CNTNAP3B: variants seen among roughly 807,000 people sequenced by gnomAD.
CNTNAP3B encodes the protein contactin associated protein family member 3B, also known as contactin-associated protein-like 3B.
A neutral mutation model predicts 108.9 loss-of-function variants in CNTNAP3B; 25 were observed. That is an observed-to-expected ratio of 0.23 (90% CI 0.17 to 0.32). The LOEUF (loss-of-function observed/expected upper bound fraction) is 0.32. Ranked by LOEUF, CNTNAP3B falls within the 10% of genes least tolerant of loss-of-function variation. The probability of loss-of-function intolerance (pLI) is 1.00; values close to 1 mark genes in which losing one functional copy is unlikely to be tolerated. For missense variants in CNTNAP3B, 252 were observed against 1,210.4 expected, an observed-to-expected ratio of 0.21 and a Z score of 11.75; for synonymous variants, 103 against 473.4, an observed-to-expected ratio of 0.22 and a Z score of 10.16.
At chr9:41,959,408 T>C (rs1255199281) in intron 12 of CNTNAP3B, among the ~76,000 whole-genome samples, 9 of 152,262 alleles carry the variant, frequency 5.9e-5, no homozygotes, top group Admixed American at 4.6e-4. Context: ...GAGACCAGAG[T>C]TTAGTGATTC....
Position 42,077,060 on chromosome 9 carries a change from C to T in CNTNAP3B, c.199G>A (p.Ala67Thr). The T allele has an allele frequency of 1.3e-6, 2 of 1,537,934 alleles. No homozygotes were observed. Among genetic ancestry groups the T allele is most frequent in the South Asian group, 2.3e-5 (2 of 85,804 alleles). Residue 67 changes from alanine (A) to threonine (T), a missense_variant and splice_region_variant, in exon 3 of 24, where the codon GCT (alanine) becomes ACT (threonine). Physicochemically the swap from Ala to Thr is moderately conservative, Grantham distance 58. Coordinates refer to ENST00000377561, the MANE Select transcript of CNTNAP3B (RefSeq NM_001201380.3). ...GFSRLNRRDG[A>T]GGWTPLVSNK... ...GACACAAGTGGGGTCCAGCCACCAG[C>T]TCCTTTTTTGAAACAGAAAAAGTAT... is the stretch of plus-strand genomic sequence containing the variant.
At chr9:42,049,404 C>T (rs1313759318) in intron 3 of CNTNAP3B, among the ~76,000 whole-genome samples, 2 of 135,466 alleles carry the variant, frequency 1.5e-5, no homozygotes, top group African/African-American at 6.0e-5. Context: ...TTTCCAGACT[C>T]TTTTGCCAAT....
intron 3 of CNTNAP3B, among the ~76,000 whole-genome samples, chr9:42,051,573 T>G (rs1242319656): frequency 8.4e-6 from 1 of 119,712 alleles, no homozygotes; most frequent in African/African-American, 3.3e-5. Context: ...TAGAGATGTT[T>G]TAACTGTGAC....
chr9:42,052,080 TA>T (rs1383990024), intron 3 of CNTNAP3B, among the ~76,000 whole-genome samples: 2 of 146,260 alleles, frequency 1.4e-5, no homozygotes, highest in African/African-American at 2.6e-5. Flanking sequence ...AGTTTAAATA[TA>T]AAAAAATTCT....
Position 42,061,442 on chromosome 9 carries a change from C to T in CNTNAP3B, c.390+15427G>A, listed in dbSNP as rs537583129. Among the ~76,000 whole-genome samples, 389 of 135,566 alleles carry T rather than the reference C, an allele frequency of 2.9e-3. 49 individuals are homozygous for T. The highest frequency in any genetic ancestry group is 0.011 in the African/African-American group (356 of 33,576). The allele number at this position is 135,566 out of a possible 152,430, so 88.9% of individuals were successfully genotyped here. On this transcript the variant is annotated intron_variant, in intron 3 of 23. Transcript: ENST00000377561. ...AAGCAATTCCCCTACCTCAGCCTCC[C>T]GAGTAGCTGGGACAGCAGGCGAGCA...
chr9:41,966,989 C>T (rs1314629420), intron 10 of CNTNAP3B, among the ~76,000 whole-genome samples: 2 of 150,194 alleles, frequency 1.3e-5, no homozygotes, highest in African/African-American at 2.5e-5. Context: ...AAACAAACAC[C>T]TATCCAAACA....
intron 15 of CNTNAP3B, among the ~76,000 whole-genome samples, chr9:41,925,051 A>G (rs1276759972): frequency 6.6e-6 from 1 of 152,044 alleles, no homozygotes; most frequent in Non-Finnish European, 1.5e-5. Flanking sequence ...GTTAGTTTCA[A>G]CTGCCTTGTA....
rs1315629321 is a variant in CNTNAP3B, at chr9:42,080,454, C to T, written c.197-3392G>A. 3.6e-5 allele frequency among the ~76,000 whole-genome samples: 5 copies of T among 138,752 alleles called. 2 individuals are homozygous for T. The highest frequency in any genetic ancestry group is 3.1e-5 in the Non-Finnish European group (2 of 64,890). The allele number at this position is 138,752 out of a possible 152,430, so 91.0% of individuals were successfully genotyped here. A position where few individuals can be genotyped will look rare whatever the true frequency, so the allele number is the denominator to read the frequency against. Reference sequence around the variant, plus strand: ...CTGCTGTGCACACAATTTAATTAAACGCTGAGTGGAAATGGTGGGAAACAC... The same window carrying T: ...CTGCTGTGCACACAATTTAATTAAATGCTGAGTGGAAATGGTGGGAAACAC... On this transcript the variant is annotated intron_variant, in intron 2 of 23. Coordinates refer to ENST00000377561, the MANE Select transcript of CNTNAP3B (RefSeq NM_001201380.3).
intron 14 of CNTNAP3B, among the ~76,000 whole-genome samples, chr9:41,931,671 A>G (rs1823981347): frequency 6.6e-6 from 1 of 150,508 alleles, no homozygotes; most frequent in South Asian, 2.1e-4. Context: ...AGGCATCACC[A>G]TTCAGCTTTA....
In CNTNAP3B at chr9:42,063,383, C is replaced by T. The variant is rs1242241424; in HGVS notation, c.390+13486G>A. On this transcript the variant is annotated intron_variant, in intron 3 of 23. Coordinates refer to ENST00000377561, the MANE Select transcript of CNTNAP3B (RefSeq NM_001201380.3). ...ACTTGAATATATCATCCTGCTCTTC[C>T]CTGGCCTGTAAGGTTTCTGCTGTGA... Among the ~76,000 whole-genome samples, 24 of 135,860 alleles carry T rather than the reference C, an allele frequency of 1.8e-4. 3 individuals are homozygous for T. Among genetic ancestry groups the T allele is most frequent in the African/African-American group, 6.8e-4 (23 of 33,868 alleles). The allele number at this position is 135,860 out of a possible 152,430, so 89.1% of individuals were successfully genotyped here.
chr9:42,121,538 A>C (rs188993073), intron 1 of CNTNAP3B, among the ~76,000 whole-genome samples: 2 of 138,632 alleles, frequency 1.4e-5, no homozygotes, highest in Admixed American at 1.4e-4. Flanking sequence ...ACAAATTGAC[A>C]ATCAACCCCG....
intron 8 of CNTNAP3B, among the ~76,000 whole-genome samples, chr9:41,990,489 G>A (rs201731302): frequency 2.3e-5 from 3 of 129,058 alleles, no homozygotes; most frequent in Admixed American, 1.6e-4. Context: ...ATAAGGCCCC[G>A]CCCTCCGAAT....
intron 12 of CNTNAP3B, among the ~76,000 whole-genome samples, chr9:41,955,155 G>C (rs527460483): frequency 1.8e-4 from 26 of 142,390 alleles, no homozygotes; most frequent in African/African-American, 6.8e-4. Flanking sequence ...ATGATTTCTT[G>C]TACAATGGGA....
At chr9:42,057,790 A>AT (rs1454209173) in intron 3 of CNTNAP3B, among the ~76,000 whole-genome samples, 1 of 136,222 alleles carries the variant, frequency 7.3e-6, no homozygotes, top group Non-Finnish European at 1.6e-5. Flanking sequence ...TATAGTCACC[A>AT]TTTTGTGCGA....
chr9:41,954,296 C>A (rs1182366918), intron 12 of CNTNAP3B, among the ~76,000 whole-genome samples: 1 of 152,258 alleles, frequency 6.6e-6, no homozygotes, highest in Non-Finnish European at 1.5e-5. Context: ...GAGAAATCAC[C>A]CTCCCAGCCC....
chr9:41,933,248 T>G (rs1301639860), intron 14 of CNTNAP3B, among the ~76,000 whole-genome samples: 3 of 152,292 alleles, frequency 2.0e-5, no homozygotes, highest in African/African-American at 7.2e-5. Context: ...TCCTGTGCAC[T>G]GTAGGATGCT....
At chr9:42,042,693 A>T in intron 3 of CNTNAP3B, among the ~76,000 whole-genome samples, 1 of 94,900 alleles carries the variant, frequency 1.1e-5, no homozygotes, top group Non-Finnish European at 2.1e-5. Context: ...TTGGGCATCC[A>T]TGAACGTTGG....
At chr9:41,924,368 G>A (rs1454655913) in intron 15 of CNTNAP3B, among the ~76,000 whole-genome samples, 3 of 152,306 alleles carry the variant, frequency 2.0e-5, no homozygotes, top group African/African-American at 7.2e-5. Flanking sequence ...AACACAGTAG[G>A]GACAGGGTCA....
intron 3 of CNTNAP3B, among the ~76,000 whole-genome samples, chr9:42,033,990 T>C (rs1826572534): frequency 1.0e-5 from 1 of 96,292 alleles, no homozygotes; most frequent in African/African-American, 4.0e-5. Flanking sequence ...GTCTCAGTTA[T>C]GTGACACCAC....
Sources: allele counts gnomAD v4.1 joint callset (sites outside exome capture counted in the v4.1 genomes callset), GRCh38; gene constraint gnomAD v4.1.1; transcripts MANE v1.5; gene names NCBI Gene and HGNC (gene_info 2026-07-23, HGNC 2026-07-21).